The following BCO1 variants were observed in gnomAD, a reference collection of about 807,000 sequenced individuals.
BCO1 encodes the protein beta,beta-carotene 15,15'-dioxygenase.
In BCO1, 54 loss-of-function variants were observed where a neutral mutation model predicts 56.3. The ratio of observed to expected loss-of-function variants is 0.96; its 90% CI spans 0.77 to 1.20. The LOEUF is 1.20. Ranked by LOEUF, BCO1 falls within the 50% of genes most tolerant of loss-of-function variation. The pLI is 0.00. For missense variants in BCO1, 801 were observed against 690.9 expected (o/e 1.16, Z -1.79); for synonymous variants, 318 against 266.1 (o/e 1.20, Z -1.90).
At chr16:81,282,673 C>A (rs1907951467) in intron 8 of BCO1, among the ~76,000 whole-genome samples, 1 of 146,198 alleles carries the variant, frequency 6.8e-6, no homozygotes, top group Admixed American at 6.9e-5. Context: ...CACCACATCC[C>A]TTTTTTTTTT....
At chr16:81,248,485 T>C (rs954749241) in intron 2 of BCO1, among the ~76,000 whole-genome samples, 4 of 152,032 alleles carry the variant, frequency 2.6e-5, no homozygotes, top group African/African-American at 9.7e-5. Flanking sequence ...ATGTGTACTC[T>C]ATGCCAGTGC....
chr16:81,280,870 G>C lies in BCO1; in HGVS notation c.1115G>C (p.Gly372Ala), dbSNP rs1567463641. 1.9e-6 allele frequency: 3 copies of C among 1,613,144 alleles called. No homozygotes were observed. The African/African-American group carries it at 4.0e-5, about 22-fold the overall frequency. The change falls in exon 8 of 11, where the codon GGC becomes GCC. Residue 372 changes from glycine to alanine, a missense_variant. By Grantham distance (60) the Gly-to-Ala change is moderately conservative. Transcript: ENST00000258168. ...PLHVDKNAEV[G>A]TNLIKVASTT... ...GAATTTTTTCAGAATGCAGAAGTGG[G>C]CACAAATTTAATCAAAGTGGCATCT... is the stretch of plus-strand genomic sequence containing the variant.
intron 10 of BCO1, among the ~76,000 whole-genome samples, chr16:81,289,411 G>A (rs1908344342): frequency 6.6e-6 from 1 of 152,178 alleles, no homozygotes; most frequent in African/African-American, 2.4e-5. Context: ...GGAGGTCAAG[G>A]TAGGCAGATC....
In BCO1 at chr16:81,280,916, G is replaced by A. The variant is rs7501162; in HGVS notation, c.1161G>A (p.Lys387=). 1 of 1,614,150 alleles carries A rather than the reference G, an allele frequency of 6.2e-7. No individual in the cohort carries two copies. The highest frequency in any genetic ancestry group is 1.1e-5 in the South Asian group (1 of 91,082). The change falls in exon 8 of 11, where the codon AAG becomes AAA. Residue 387 remains lysine, a synonymous_variant. Transcript: ENST00000258168. ...CATCTACAACAGCCACGGCCCTGAA[G>A]GAAGAAGATGGCCAAGTCTACTGCC... ...KVASTTATAL[K]EEDGQVYCQP...
At chr16:81,280,757 G>A in intron 7 of BCO1, 100 bp from the exon 8 acceptor site, 1 of 820,084 alleles carries the variant, frequency 1.2e-6, no homozygotes, top group Middle Eastern at 3.2e-4. Flanking sequence ...AAGCCAAGAT[G>A]ACATGTATTC....
chr16:81,279,616 C>T (rs1597372703), intron 7 of BCO1, among the ~76,000 whole-genome samples: 1 of 152,162 alleles, frequency 6.6e-6, no homozygotes, highest in Non-Finnish European at 1.5e-5. Flanking sequence ...TATTAATATA[C>T]ACATAAGGAA....
chr16:81,268,479 A>G lies in BCO1; in HGVS notation c.843+348A>G, dbSNP rs560099002. Among the ~76,000 whole-genome samples the G allele has an allele frequency of 1.6e-4, 25 of 152,246 alleles. No homozygotes were observed. In the Middle Eastern group the frequency reaches 0.01, roughly 62 times the overall value. Reference sequence around the variant, plus strand: ...GCTCCTCCCCACCTCCGCCCTGTTGACAAGACCCCTTAACCATGTCTGCTA... The same window carrying G: ...GCTCCTCCCCACCTCCGCCCTGTTGGCAAGACCCCTTAACCATGTCTGCTA... On this transcript the variant is annotated intron_variant, in intron 6 of 10. Coordinates refer to ENST00000258168, the MANE Select transcript of BCO1 (RefSeq NM_017429.3).
At chr16:81,280,621 G>A (rs1907824189) in intron 7 of BCO1, among the ~76,000 whole-genome samples, 1 of 152,158 alleles carries the variant, frequency 6.6e-6, no homozygotes, top group Non-Finnish European at 1.5e-5. Flanking sequence ...TAAGAGAAAA[G>A]AGTCCTATCA....
chr16:81,274,392 T>TC (rs1400660803), intron 7 of BCO1, among the ~76,000 whole-genome samples: 3 of 151,170 alleles, frequency 2.0e-5, no homozygotes, highest in Non-Finnish European at 1.5e-5. Context: ...GCCTCCCTAG[T>TC]GGCTGGGACT....
chr16:81,274,887 G>A (rs1302243148), intron 7 of BCO1, among the ~76,000 whole-genome samples: 2 of 151,104 alleles, frequency 1.3e-5, no homozygotes, highest in African/African-American at 2.4e-5. Context: ...GGGCAACAGA[G>A]TGAGACTCCA....
intron 8 of BCO1, among the ~76,000 whole-genome samples, chr16:81,281,958 C>T (rs992271804): frequency 6.6e-6 from 1 of 152,226 alleles, no homozygotes; most frequent in Admixed American, 6.5e-5. Context: ...TTGCTGTGCT[C>T]ACAGCGTATC....
At position 81,274,280 on chromosome 16, in the gene BCO1, T is replaced by C. The variant is rs1907415188; in HGVS notation, c.1101+3864T>C. On this transcript the variant is annotated intron_variant, in intron 7 of 10. Transcript: ENST00000258168. ...TATCTTTTTTTTTTTTTTTTTTTTT[T>C]TGAGACAGAGTCTCGCTCTGTCGCC... Among the ~76,000 whole-genome samples, 4 of 147,216 alleles carry C rather than the reference T, an allele frequency of 2.7e-5. No homozygotes were observed. In the South Asian group the frequency reaches 8.9e-4, roughly 33 times the overall value.
At chr16:81,247,276 C>G (rs1210006549) in intron 2 of BCO1, among the ~76,000 whole-genome samples, 1 of 152,110 alleles carries the variant, frequency 6.6e-6, no homozygotes, top group Admixed American at 6.5e-5. Flanking sequence ...GTAAAATGAG[C>G]TTGTTCATCC....
At chr16:81,269,580 G>A (rs189042083) in intron 6 of BCO1, among the ~76,000 whole-genome samples, 2 of 152,196 alleles carry the variant, frequency 1.3e-5, no homozygotes, top group East Asian at 1.9e-4. Context: ...CGATTCTCCT[G>A]CCTCCACCTC....
intron 6 of BCO1, 77 bp downstream of exon 6, chr16:81,268,208 T>G (rs1906955905): frequency 2.2e-6 from 3 of 1,366,682 alleles, no homozygotes; most frequent in Non-Finnish European, 3.1e-6. Context: ...AGGGTGAAGT[T>G]TAAGGCAAGG....
chr16:81,264,696 T>C lies in BCO1; in HGVS notation c.528T>C (p.Asp176=), dbSNP rs143043516. ...VNLATSHPHY[D]EAGNVLNMGT... is the part of the protein sequence containing the mutation. ...TGGCAACGTCACATCCCCATTATGA[T>C]GAGGCTGGAAATGTTCTAAACATGG... is the stretch of plus-strand genomic sequence containing the variant. The change falls in exon 5 of 11, where the codon GAT becomes GAC. Residue 176 remains aspartate, a synonymous_variant. Transcript: ENST00000258168. The C allele has an allele frequency of 6.2e-6, 10 of 1,614,052 alleles. No homozygotes were observed. In the Admixed American group the frequency reaches 1.3e-4, roughly 22 times the overall value.
intron 6 of BCO1, among the ~76,000 whole-genome samples, chr16:81,268,612 T>G (rs913779279): frequency 1.3e-5 from 2 of 152,232 alleles, no homozygotes; most frequent in African/African-American, 4.8e-5. Context: ...CAGGTACACC[T>G]GAGTGCTCAA....
chr16:81,285,524 C>T lies in BCO1; in HGVS notation c.1208-16C>T. On this transcript the variant is annotated splice_polypyrimidine_tract_variant and intron_variant, in intron 8 of 10. Transcript: ENST00000258168. Reference sequence around the variant, plus strand: ...CCAATGATAGGGGCTTCATCCACCTCCTCATTTCCTTGTAGGCTTAGAGCT... The same window carrying T: ...CCAATGATAGGGGCTTCATCCACCTTCTCATTTCCTTGTAGGCTTAGAGCT... 1.3e-6 allele frequency: 2 copies of T among 1,584,532 alleles called. No homozygotes were observed. The highest frequency in any genetic ancestry group is 1.7e-6 in the Non-Finnish European group (2 of 1,153,198).
At chr16:81,267,337 G>A (rs1906890061) in intron 5 of BCO1, among the ~76,000 whole-genome samples, 1 of 152,170 alleles carries the variant, frequency 6.6e-6, no homozygotes, top group Admixed American at 6.6e-5. Flanking sequence ...TTATGGCCGG[G>A]CGCAGTGGCT....
Sources: allele counts gnomAD v4.1 joint callset (sites outside exome capture counted in the v4.1 genomes callset), GRCh38; gene constraint gnomAD v4.1.1; transcripts MANE v1.5; gene names NCBI Gene and HGNC (gene_info 2026-07-23, HGNC 2026-07-21).